APC: variants seen among roughly 807,000 people sequenced by gnomAD.
The protein encoded by APC is APC regulator of Wnt signaling pathway.
A neutral mutation model predicts 247.0 loss-of-function variants in APC; 72 were observed. The observed-to-expected ratio is 0.29, with a 90% CI of 0.24 to 0.35. The LOEUF is 0.35. Among genes scored for constraint, APC ranks in the 10% least tolerant of loss-of-function variants. APC has a pLI of 1.00. For missense variants in APC, 3,400 were observed against 3,360.7 expected, an observed-to-expected ratio of 1.01 and a Z score of -0.29; for synonymous variants, 1,254 against 1,162.5, an observed-to-expected ratio of 1.08 and a Z score of -1.60.
intron 8 of APC, among the ~76,000 whole-genome samples, chr5:112,813,458 A>T (rs941764361): frequency 6.6e-6 from 1 of 152,194 alleles, no homozygotes; most frequent in Non-Finnish European, 1.5e-5. Context: ...CAAGGAATTT[A>T]TTACGAATTC....
At chr5:112,769,047 C>CTTT (rs1561467916) in intron 4 of APC, among the ~76,000 whole-genome samples, 2 of 106,208 alleles carry the variant, frequency 1.9e-5, no homozygotes, top group Admixed American at 1.1e-4. Context: ...TCTTTTTTTT[C>CTTT]TTCTTTTTTT....
chr5:112,763,766 A>T lies in APC; in HGVS notation c.136-2560A>T, dbSNP rs113758284. ...CATAGAATAACACTGTTAACATTTT[A>T]ATGATTCTGCTTTCAGCATCAGCTT... On this transcript the variant is annotated intron_variant, in intron 2 of 15. Coordinates refer to ENST00000257430, the MANE Select transcript of APC (RefSeq NM_000038.6). 5.0e-3 allele frequency among the ~76,000 whole-genome samples: 762 copies of T among 152,332 alleles called. 8 individuals carry two copies. Among genetic ancestry groups the T allele is most frequent in the African/African-American group, 0.018 (729 of 41,582 alleles).
At chr5:112,776,499 A>T (rs1757664614) in intron 5 of APC, among the ~76,000 whole-genome samples, 1 of 152,202 alleles carries the variant, frequency 6.6e-6, no homozygotes, top group Admixed American at 6.5e-5. Flanking sequence ...TATTCCATGA[A>T]TCATAACCTT....
At position 112,839,527 on chromosome 5, in the gene APC, T is replaced by C. The variant is rs201706728; in HGVS notation, c.3933T>C (p.Ile1311=). Reference sequence around the variant, plus strand: ...AAATAGCAGAAATAAAAGAAAAGATTGGAACTAGGTCAGCTGAAGATCCTG... The same window carrying C: ...AAATAGCAGAAATAAAAGAAAAGATCGGAACTAGGTCAGCTGAAGATCCTG... The part of the protein sequence containing the change: ...TLQIAEIKEK[I]GTRSAEDPVS... Residue 1311 remains isoleucine, a synonymous_variant, in exon 16 of 16, where the codon ATT becomes ATC. Coordinates refer to ENST00000257430, the MANE Select transcript of APC (RefSeq NM_000038.6). The surrounding 1 kb of genome is among the most constrained non-coding windows in gnomAD (Gnocchi z 5.0). 123 of 1,614,164 alleles carry C rather than the reference T, an allele frequency of 7.6e-5. No homozygotes were observed. Among genetic ancestry groups the C allele is most frequent in the Non-Finnish European group, 5.5e-5 (65 of 1,180,014 alleles).
intron 1 of APC, among the ~76,000 whole-genome samples, chr5:112,710,158 C>T (rs952606498): frequency 2.0e-5 from 3 of 152,236 alleles, no homozygotes; most frequent in Middle Eastern, 3.4e-3. Context: ...AAATAAGCCT[C>T]GCTAGCTTTA....
At chr5:112,807,773 C>A (rs1761562318) in intron 8 of APC, among the ~76,000 whole-genome samples, 1 of 152,062 alleles carries the variant, frequency 6.6e-6, no homozygotes, top group Non-Finnish European at 1.5e-5. Flanking sequence ...CTTAACCTCC[C>A]ATTTTATTTT....
chr5:112,813,038 C>T (rs932967490), intron 8 of APC, among the ~76,000 whole-genome samples: 1 of 152,208 alleles, frequency 6.6e-6, no homozygotes, highest in African/African-American at 2.4e-5. Flanking sequence ...AGGGGAGCCA[C>T]TCTGGACTCT....
At chr5:112,756,556 G>T (rs1373584263) in intron 2 of APC, among the ~76,000 whole-genome samples, 1 of 152,144 alleles carries the variant, frequency 6.6e-6, no homozygotes, top group East Asian at 1.9e-4. Context: ...CTTTAGTATG[G>T]TATATTTCGC....
intron 6 of APC, among the ~76,000 whole-genome samples, chr5:112,791,085 T>C (rs1484769454): frequency 6.6e-6 from 1 of 152,220 alleles, no homozygotes; most frequent in African/African-American, 2.4e-5. Flanking sequence ...GCAAAGTCTT[T>C]ATTCATAAGT....
chr5:112,729,525 A>G (rs942824575), intron 1 of APC, among the ~76,000 whole-genome samples: 4 of 152,238 alleles, frequency 2.6e-5, no homozygotes, highest in African/African-American at 9.6e-5. Context: ...GGCATAAGAA[A>G]GAGGTAGGTG....
At chr5:112,763,294 GTA>G (rs771424921) in intron 2 of APC, among the ~76,000 whole-genome samples, 2 of 150,712 alleles carry the variant, frequency 1.3e-5, no homozygotes, top group Non-Finnish European at 3.0e-5. Flanking sequence ...ACCTTTGATA[GTA>G]TATATATATA....
At chr5:112,785,681 G>A (rs1473552729) in intron 6 of APC, among the ~76,000 whole-genome samples, 1 of 152,070 alleles carries the variant, frequency 6.6e-6, no homozygotes, top group Admixed American at 6.5e-5. Context: ...AGAGGTACAG[G>A]AATATTTACA....
Position 112,828,865 on chromosome 5 carries a change from A to G in APC, c.1636A>G (p.Ser546Gly). 6.2e-7 allele frequency: 1 copy of G among 1,611,202 alleles called. No individual in the cohort carries two copies. The highest frequency in any genetic ancestry group is 8.5e-7 in the Non-Finnish European group (1 of 1,177,480). The change falls in exon 14 of 16, where the codon AGT becomes GGT. Residue 546 changes from serine (S) to glycine (G), a missense_variant. By Grantham distance (56) the Ser-to-Gly change is moderately conservative. Coordinates refer to ENST00000257430, the MANE Select transcript of APC (RefSeq NM_000038.6). ...ATTGATTAATTTGCAGGTTATTGCG[A>G]GTGTTTTGAGGAATTTGTCTTGGCG... ...ESEDLQQVIA[S>G]VLRNLSWRAD...
chr5:112,822,741 T>C (rs1763267760), intron 11 of APC, among the ~76,000 whole-genome samples: 1 of 152,212 alleles, frequency 6.6e-6, no homozygotes, highest in African/African-American at 2.4e-5. Context: ...TACGCTTAAT[T>C]CCCATTTTAG....
intron 9 of APC, among the ~76,000 whole-genome samples, chr5:112,817,244 G>A (rs1762605045): frequency 6.6e-6 from 1 of 152,088 alleles, no homozygotes; most frequent in South Asian, 2.1e-4. Context: ...CGATTAACTC[G>A]AATTCCATTA....
chr5:112,752,483 G>T (rs1395677508), intron 1 of APC, among the ~76,000 whole-genome samples: 1 of 152,150 alleles, frequency 6.6e-6, no homozygotes, highest in Non-Finnish European at 1.5e-5. Flanking sequence ...AGGTGCAGCA[G>T]TGTCTTTAGT....
In APC at chr5:112,817,940, A is replaced by G. The variant is rs559335804; in HGVS notation, c.934-1026A>G. 5.9e-5 allele frequency among the ~76,000 whole-genome samples: 9 copies of G among 152,364 alleles called. No individual in the cohort carries two copies. The South Asian group carries it at 1.7e-3, about 28-fold the overall frequency. ...TATACTGCCTTCCTAAAACTTTCATATCTAAAGGTGTATGTGTATTTACGC... is the reference window on the plus strand; with the variant it reads ...TATACTGCCTTCCTAAAACTTTCATGTCTAAAGGTGTATGTGTATTTACGC... On this transcript the variant is annotated intron_variant, in intron 9 of 15. Transcript: ENST00000257430.
In APC at chr5:112,828,864, G is replaced by A. The variant is rs351771; in HGVS notation, c.1635G>A (p.Ala545=). The change falls in exon 14 of 16, where the codon GCG becomes GCA. Residue 545 remains alanine (A), a synonymous_variant. Transcript: ENST00000257430. ...SESEDLQQVI[A]SVLRNLSWRA... is the part of the protein sequence containing the mutation. Reference sequence around the variant, plus strand: ...AATTGATTAATTTGCAGGTTATTGCGAGTGTTTTGAGGAATTTGTCTTGGC... The same window carrying A: ...AATTGATTAATTTGCAGGTTATTGCAAGTGTTTTGAGGAATTTGTCTTGGC... 0.63 allele frequency: 1,003,378 copies of A among 1,605,260 alleles called. 317,121 individuals carry two copies. The highest frequency in any genetic ancestry group is 0.84 in the East Asian group (37,508 of 44,786).
At chr5:112,821,856 A>G (rs1429926294) in intron 10 of APC, 40 bp from the exon 11 acceptor site, 4 of 1,481,128 alleles carry the variant, frequency 2.7e-6, no homozygotes, top group Non-Finnish European at 3.8e-6. Context: ...TGCTCTTCAA[A>G]TAACAAAGCA....
Sources: gnomAD v4.1 joint callset for allele counts (sites outside exome capture counted in the v4.1 genomes callset) on GRCh38, gnomAD v4.1.1 for gene constraint, Gnocchi (gnomAD v3.1) non-coding constraint, MANE v1.5 for transcripts, NCBI Gene and HGNC (gene_info 2026-07-23, HGNC 2026-07-21) for gene names.